GLDC: variants seen among roughly 807,000 people sequenced by gnomAD.
GLDC encodes the protein glycine dehydrogenase (decarboxylating), mitochondrial.
GLDC carries 104 observed loss-of-function variants against 121.3 expected under a neutral mutation model. That is an observed-to-expected ratio of 0.86 (90% CI 0.73 to 1.01). The LOEUF (loss-of-function observed/expected upper bound fraction) is 1.01, where lower values mean the gene tolerates loss of function less well. GLDC is among the 50% of genes least tolerant of loss of function. The probability of loss-of-function intolerance (pLI) is 0.00; values close to 1 mark genes in which losing one functional copy is unlikely to be tolerated. For synonymous variants in GLDC, 546 were observed against 480.6 expected (o/e 1.14, Z -1.78); for missense variants, 1,429 against 1,306.6 (o/e 1.09, Z -1.44).
At chr9:6,620,363 A>G (rs1373352354) in intron 2 of GLDC, 44 bp from the exon 3 acceptor site, 1 of 1,541,986 alleles carries the variant, frequency 6.5e-7, no homozygotes, top group South Asian at 1.1e-5. Flanking sequence ...GATGTCTCAG[A>G]AAAGAGCTCT....
At chr9:6,631,566 G>C (rs535658307) in intron 2 of GLDC, among the ~76,000 whole-genome samples, 67 of 152,222 alleles carry the variant, frequency 4.4e-4, no homozygotes, top group African/African-American at 1.5e-3. Context: ...TATTTATCTG[G>C]AATACCAGCT....
chr9:6,594,898 C>T (rs1341546059), intron 9 of GLDC, 116 bp downstream of exon 9: 6 of 745,130 alleles, frequency 8.1e-6, no homozygotes, highest in East Asian at 4.9e-5. Context: ...TATTTTTCCT[C>T]GTTTCTCACT....
intron 22 of GLDC, among the ~76,000 whole-genome samples, chr9:6,537,970 A>G (rs1235517918): frequency 6.6e-6 from 1 of 152,198 alleles, no homozygotes; most frequent in Admixed American, 6.5e-5. Flanking sequence ...TAAACCCTTC[A>G]GCATATATAT....
chr9:6,565,762 C>A, intron 15 of GLDC: 1 of 546,840 alleles, frequency 1.8e-6, no homozygotes, highest in Non-Finnish European at 3.2e-6. Flanking sequence ...CAGTGAAGAA[C>A]AAAAGGAACT....
intron 18 of GLDC, among the ~76,000 whole-genome samples, chr9:6,555,677 A>G (rs1326801416): frequency 6.6e-6 from 1 of 152,180 alleles, no homozygotes; most frequent in African/African-American, 2.4e-5. Context: ...CTGTAGTCCC[A>G]GCTACTCGGG....
chr9:6,639,334 GC>G (rs1819578270), intron 2 of GLDC: 1 of 930,156 alleles, frequency 1.1e-6, no homozygotes. Flanking sequence ...TCGGAAGAGC[GC>G]CCCCAGGAGA....
intron 17 of GLDC, chr9:6,558,334 A>G (rs1477652593): frequency 4.6e-6 from 3 of 653,298 alleles, no homozygotes; most frequent in African/African-American, 1.8e-5. Context: ...TACTCTTACT[A>G]CCACCATGAA....
intron 2 of GLDC, among the ~76,000 whole-genome samples, chr9:6,631,213 G>C (rs1239561370): frequency 6.6e-6 from 1 of 152,186 alleles, no homozygotes; most frequent in Non-Finnish European, 1.5e-5. Flanking sequence ...GCCTCATTCA[G>C]TCCTTCCTGA....
At chr9:6,635,263 CA>C (rs1165858748) in intron 2 of GLDC, among the ~76,000 whole-genome samples, 3 of 152,164 alleles carry the variant, frequency 2.0e-5, no homozygotes. Context: ...ATCTGACTCT[CA>C]ATAAGTGCAG....
At chr9:6,645,002 G>C (rs1243615574) in intron 1 of GLDC, among the ~76,000 whole-genome samples, 1 of 152,202 alleles carries the variant, frequency 6.6e-6, no homozygotes, top group East Asian at 1.9e-4. Flanking sequence ...CTTGGGCTGG[G>C]GGTGGTTTAA....
At chr9:6,559,221 A>C (rs1041816760) in intron 16 of GLDC, among the ~76,000 whole-genome samples, 1 of 152,220 alleles carries the variant, frequency 6.6e-6, no homozygotes, top group African/African-American at 2.4e-5. Context: ...AAGCATTAAT[A>C]ATGATCAACC....
chr9:6,617,198 G>T (rs117915178), intron 3 of GLDC, among the ~76,000 whole-genome samples: 1,801 of 152,196 alleles, frequency 0.012, 16 homozygotes, highest in Non-Finnish European at 0.019. Context: ...CCCTATCAGC[G>T]CTGGTGGGGT....
At chr9:6,590,857 A>T (rs1271949570) in intron 11 of GLDC, among the ~76,000 whole-genome samples, 1 of 152,230 alleles carries the variant, frequency 6.6e-6, no homozygotes, top group Non-Finnish European at 1.5e-5. Context: ...TTAAAAGAGA[A>T]CACTGTGATG....
intron 17 of GLDC, 115 bp from the exon 18 acceptor site, chr9:6,556,417 T>C: frequency 1.2e-6 from 1 of 854,114 alleles, no homozygotes; most frequent in Middle Eastern, 2.2e-4. Context: ...GTCTTTACTT[T>C]CCTGGAACTG....
intron 4 of GLDC, 68 bp downstream of exon 4, chr9:6,610,124 T>A (rs965422957): frequency 5.9e-6 from 7 of 1,196,328 alleles, no homozygotes; most frequent in Non-Finnish European, 8.5e-6. Context: ...CAATATACTA[T>A]AGAAAGAAAA....
intron 8 of GLDC, among the ~76,000 whole-genome samples, chr9:6,598,872 G>A (rs868786019): frequency 6.6e-6 from 1 of 152,158 alleles, no homozygotes; most frequent in Admixed American, 6.5e-5. Context: ...TACATGAACT[G>A]GAAGAAATTA....
intron 21 of GLDC, chr9:6,540,439 C>T (rs1008200899): frequency 4.9e-5 from 20 of 407,672 alleles, no homozygotes; most frequent in Non-Finnish European, 8.2e-5. Flanking sequence ...AACATATGAC[C>T]GGAGGTGTCT....
chr9:6,556,118 A>T, intron 18 of GLDC, 35 bp downstream of exon 18: 1 of 1,577,882 alleles, frequency 6.3e-7, no homozygotes, highest in Non-Finnish European at 8.7e-7. Flanking sequence ...CCATTTTCTC[A>T]GTGGGAACTA....
chr9:6,631,382 C>T (rs1819374127), intron 2 of GLDC, among the ~76,000 whole-genome samples: 1 of 152,182 alleles, frequency 6.6e-6, no homozygotes, highest in African/African-American at 2.4e-5. Context: ...AGCTTCAAGA[C>T]CCTACCAGCT....
Sources: gnomAD v4.1 joint callset for allele counts (sites outside exome capture counted in the v4.1 genomes callset) on GRCh38, gnomAD v4.1.1 for gene constraint, MANE v1.5 for transcripts, NCBI Gene and HGNC (gene_info 2026-07-23, HGNC 2026-07-21) for gene names.